FAF1: variants seen among roughly 807,000 people sequenced by gnomAD.
FAF1 encodes the protein Fas associated factor 1.
In FAF1, 25 loss-of-function variants were observed where a neutral mutation model predicts 92.5. The ratio of observed to expected loss-of-function variants is 0.27; its 90% CI spans 0.20 to 0.38. FAF1 has a LOEUF of 0.38. Among genes scored for constraint, FAF1 ranks in the 10% least tolerant of loss-of-function variants. The probability of loss-of-function intolerance (pLI) is 1.00; values close to 1 mark genes in which losing one functional copy is unlikely to be tolerated. For missense variants in FAF1, 636 were observed against 793.3 expected, an observed-to-expected ratio of 0.80 and a Z score of 2.38; for synonymous variants, 234 against 273.2, an observed-to-expected ratio of 0.86 and a Z score of 1.42.
Position 50,583,672 on chromosome 1 carries a change from A to G in FAF1, c.1011T>C (p.Phe337=). The G allele has an allele frequency of 6.3e-7, 1 of 1,579,294 alleles. No homozygotes were observed. Among genetic ancestry groups the G allele is most frequent in the Non-Finnish European group, 8.6e-7 (1 of 1,159,336 alleles). Residue 337 remains phenylalanine, a synonymous_variant, in exon 11 of 19, where the codon TTT becomes TTC. Coordinates refer to ENST00000396153, the MANE Select transcript of FAF1 (RefSeq NM_007051.3). This position sits in a 1 kb window ranked among gnomAD's most constrained non-coding sequence, Gnocchi z 4.2. ...CCTACCTTGAAGAAAACTCTGCTGT[A>G]AATTGTAATAAGGCATCTCCTTCAT... The part of the protein sequence containing the change: ...AENEGDALLQ[F]TAEFSSRYGD...
At chr1:50,754,682 A>G (rs1279103738) in intron 4 of FAF1, among the ~76,000 whole-genome samples, 2 of 152,216 alleles carry the variant, frequency 1.3e-5, no homozygotes, top group African/African-American at 4.8e-5. Flanking sequence ...CTGATATGCC[A>G]TGTGTATTAG....
chr1:50,844,091 T>A (rs1644279027), intron 2 of FAF1, among the ~76,000 whole-genome samples: 1 of 152,240 alleles, frequency 6.6e-6, no homozygotes, highest in Non-Finnish European at 1.5e-5. Context: ...TGAGATGATA[T>A]CTCATTATGG....
intron 1 of FAF1, among the ~76,000 whole-genome samples, chr1:50,942,555 A>G (rs1645142091): frequency 6.6e-6 from 1 of 152,200 alleles, no homozygotes; most frequent in East Asian, 1.9e-4. Context: ...TCAATATGCA[A>G]AATGAGGGAT....
intron 12 of FAF1, among the ~76,000 whole-genome samples, chr1:50,579,240 T>A (rs777712440): frequency 1.4e-4 from 22 of 152,156 alleles, no homozygotes; most frequent in Non-Finnish European, 3.2e-4. Context: ...GTCTACGATA[T>A]ACTGTATTTT....
chr1:50,509,456 T>G (rs774097737), intron 15 of FAF1, among the ~76,000 whole-genome samples: 47 of 151,748 alleles, frequency 3.1e-4, no homozygotes, highest in Non-Finnish European at 2.9e-4. Flanking sequence ...TACAAAAAAT[T>G]TAAAAATTAG....
At chr1:50,582,053 G>A (rs1276046236) in intron 12 of FAF1, among the ~76,000 whole-genome samples, 1 of 151,674 alleles carries the variant, frequency 6.6e-6, no homozygotes, top group Non-Finnish European at 1.5e-5. Flanking sequence ...TGGGGGGGTG[G>A]GCAGGGGCCC....
intron 2 of FAF1, among the ~76,000 whole-genome samples, chr1:50,814,600 A>C (rs1643949478): frequency 6.6e-6 from 1 of 152,236 alleles, no homozygotes; most frequent in Non-Finnish European, 1.5e-5. Flanking sequence ...CATTATGCTA[A>C]GCGAATAGTT....
chr1:50,441,579 C>A, intron 18 of FAF1, 56 bp from the exon 19 acceptor site: 1 of 997,602 alleles, frequency 1.0e-6, no homozygotes, highest in Non-Finnish European at 1.5e-6. Flanking sequence ...ATATTCTCTA[C>A]ATGGCCTTCA....
chr1:50,551,007 A>C (rs564491359), intron 13 of FAF1, among the ~76,000 whole-genome samples: 1 of 152,348 alleles, frequency 6.6e-6, no homozygotes, highest in East Asian at 1.9e-4. Flanking sequence ...TGCCTATGAC[A>C]TGTCCTTTCT....
chr1:50,617,910 C>T (rs1362819578), intron 8 of FAF1, among the ~76,000 whole-genome samples: 3 of 151,960 alleles, frequency 2.0e-5, no homozygotes, highest in African/African-American at 7.3e-5. Context: ...CCAGGAATTT[C>T]TCTATTTCCT....
intron 14 of FAF1, among the ~76,000 whole-genome samples, chr1:50,536,597 T>A (rs1648494849): frequency 6.6e-6 from 1 of 152,158 alleles, no homozygotes; most frequent in African/African-American, 2.4e-5. Context: ...AAAGAAATGA[T>A]CTAATTTGTT....
chr1:50,950,562 G>A (rs940396795), intron 1 of FAF1, among the ~76,000 whole-genome samples: 1 of 152,164 alleles, frequency 6.6e-6, no homozygotes, highest in Admixed American at 6.5e-5. Flanking sequence ...TATAAAAACA[G>A]GCAGCTGGCC....
At chr1:50,725,503 T>C (rs959011505) in intron 6 of FAF1, among the ~76,000 whole-genome samples, 3 of 152,212 alleles carry the variant, frequency 2.0e-5, no homozygotes, top group Admixed American at 6.5e-5. Flanking sequence ...TTGCCCAGGA[T>C]GGAGTACAGT....
At chr1:50,649,245 C>T (rs1040899232) in intron 8 of FAF1, among the ~76,000 whole-genome samples, 33 of 151,950 alleles carry the variant, frequency 2.2e-4, no homozygotes, top group Non-Finnish European at 4.6e-4. Context: ...CTCCGCCTTC[C>T]GGGTTCAAGC....
At chr1:50,699,155 A>C (rs1657361430) in intron 7 of FAF1, among the ~76,000 whole-genome samples, 1 of 152,086 alleles carries the variant, frequency 6.6e-6, no homozygotes, top group Admixed American at 6.6e-5. Flanking sequence ...AATATATCAC[A>C]AGAATTAAAT....
At chr1:50,522,852 C>T (rs1308515093) in intron 15 of FAF1, among the ~76,000 whole-genome samples, 1 of 152,182 alleles carries the variant, frequency 6.6e-6, no homozygotes, top group Non-Finnish European at 1.5e-5. Flanking sequence ...TCACCACCAT[C>T]TATTTCCTAA....
At chr1:50,668,451 T>C (rs1025809415) in intron 7 of FAF1, among the ~76,000 whole-genome samples, 3 of 152,218 alleles carry the variant, frequency 2.0e-5, no homozygotes, top group African/African-American at 7.2e-5. Flanking sequence ...TCTCAGAGAT[T>C]TGTAGGCAGG....
In FAF1 at chr1:50,500,428, A is replaced by G. The variant is rs558278206; in HGVS notation, c.1495-8627T>C. Among the ~76,000 whole-genome samples, 3 of 152,320 alleles carry G rather than the reference A, an allele frequency of 2.0e-5. No individual in the cohort carries two copies. In the South Asian group the frequency reaches 6.2e-4, roughly 32 times the overall value. On this transcript the variant is annotated intron_variant, in intron 15 of 18. Transcript: ENST00000396153. ...TAGTGGAAAAAGGAAAACCTTTTAA[A>G]CAAATAGCACTAGAACTACTGGATA...
Position 50,596,168 on chromosome 1 carries a change from C to T in FAF1, c.793G>A (p.Val265Met), listed in dbSNP as rs1489280305. ...TGTGCAGGTGAAGATCTTCTTCCCA[C>T]TGTAAGTCGATGGCAGGGATAAGAG... Reference protein sequence around the residue: ...GLSYPCHRLTVGRRSSPAQTR... With the variant: ...GLSYPCHRLTMGRRSSPAQTR... Residue 265 changes from valine (V) to methionine (M), a missense_variant, in exon 9 of 19, where the codon GTG (valine) becomes ATG (methionine). Physicochemically the swap from Val to Met is conservative, Grantham distance 21. Transcript: ENST00000396153. The T allele has an allele frequency of 3.1e-6, 5 of 1,614,024 alleles. No homozygotes were observed. Among genetic ancestry groups the T allele is most frequent in the Non-Finnish European group, 3.4e-6 (4 of 1,179,954 alleles).
Sources: allele counts gnomAD v4.1 joint callset (sites outside exome capture counted in the v4.1 genomes callset), GRCh38; gene constraint gnomAD v4.1.1; non-coding constraint Gnocchi (gnomAD v3.1); transcripts MANE v1.5; gene names NCBI Gene and HGNC (gene_info 2026-07-23, HGNC 2026-07-21).